Variants in SLC27A2 observed in about 807,000 individuals in gnomAD.
The protein encoded by SLC27A2 is solute carrier family 27 member 2.
In SLC27A2, 54 loss-of-function variants were observed where a neutral mutation model predicts 60.0. The observed-to-expected ratio is 0.90, with a 90% CI of 0.72 to 1.13. The LOEUF (loss-of-function observed/expected upper bound fraction) is 1.13, where lower values mean the gene tolerates loss of function less well. Ranked by LOEUF, SLC27A2 falls within the 50% of genes most tolerant of loss-of-function variation. The pLI, the probability that SLC27A2 is intolerant of heterozygous loss-of-function variation, is 0.00. For missense variants in SLC27A2, 739 were observed against 777.6 expected, an observed-to-expected ratio of 0.95 and a Z score of 0.59; for synonymous variants, 297 against 297.6, an observed-to-expected ratio of 1.00 and a Z score of 0.02.
chr15:50,230,598 G>A (rs972073629), intron 8 of SLC27A2, among the ~76,000 whole-genome samples: 15 of 152,100 alleles, frequency 9.9e-5, no homozygotes, highest in East Asian at 3.9e-4. Context: ...CCCAACTCAG[G>A]GACAATGACA....
intron 1 of SLC27A2, among the ~76,000 whole-genome samples, chr15:50,183,607 G>A (rs915203274): frequency 6.6e-6 from 1 of 152,184 alleles, no homozygotes; most frequent in African/African-American, 2.4e-5. Context: ...ATTTCAGCCA[G>A]ACTTGAAACA....
Position 50,232,939 on chromosome 15 carries a change from C to T in SLC27A2, c.1556-929C>T, listed in dbSNP as rs564743575. On this transcript the variant is annotated intron_variant, in intron 8 of 9. Coordinates refer to ENST00000267842, the MANE Select transcript of SLC27A2 (RefSeq NM_003645.4). The stretch of plus-strand genomic sequence containing the variant: ...TAACCAAGGGAGGCTCCTGTCTCCT[C>T]TCTGATTACAGCTGAGTAGTTTAGG... Among the ~76,000 whole-genome samples the T allele has an allele frequency of 3.3e-5, 5 of 152,342 alleles. No individual in the cohort carries two copies. The East Asian group carries it at 9.6e-4, about 29-fold the overall frequency.
At chr15:50,234,210 C>T (rs534387869) in intron 9 of SLC27A2, among the ~76,000 whole-genome samples, 2 of 152,192 alleles carry the variant, frequency 1.3e-5, no homozygotes, top group East Asian at 3.9e-4. Context: ...CTTTGGGAGG[C>T]CGAGGTGGGA....
At chr15:50,225,349 A>G (rs758940266) in intron 5 of SLC27A2, among the ~76,000 whole-genome samples, 15 of 152,216 alleles carry the variant, frequency 9.9e-5, no homozygotes, top group Admixed American at 2.6e-4. Context: ...TTTGAATTAT[A>G]TGTTAAATAT....
intron 1 of SLC27A2, among the ~76,000 whole-genome samples, chr15:50,192,459 G>C (rs1396630912): frequency 1.3e-5 from 2 of 152,172 alleles, no homozygotes; most frequent in African/African-American, 4.8e-5. Context: ...AAGTTGCTTG[G>C]ACTGTGATCA....
intron 4 of SLC27A2, 67 bp from the exon 5 acceptor site, chr15:50,222,887 AATAAAGGCAAT>A (rs1441506822): frequency 8.4e-7 from 1 of 1,184,002 alleles, no homozygotes; most frequent in Admixed American, 2.4e-5. Flanking sequence ...ATACATACAA[AATAAAGGCAAT>A]TATTAATATG....
chr15:50,226,904 C>A, intron 6 of SLC27A2, 76 bp from the exon 7 acceptor site: 1 of 1,224,216 alleles, frequency 8.2e-7, no homozygotes, highest in Non-Finnish European at 1.2e-6. Context: ...GGTTGTATGG[C>A]ATTAGTTTTA....
rs144025155 is a variant in SLC27A2 at position 50,213,298 on chromosome 15, T to G, written c.972+7935T>G. On this transcript the variant is annotated intron_variant, in intron 4 of 9. Transcript: ENST00000267842. The stretch of plus-strand genomic sequence containing the variant: ...GCACCTAACACTGGAGCTCCCAAAT[T>G]TATAAAGCAATTGCTACTAGACCTA... Among the ~76,000 whole-genome samples, 700 of 152,160 alleles carry G rather than the reference T, an allele frequency of 4.6e-3. 7 individuals carry two copies. The highest frequency in any genetic ancestry group is 0.041 in the Middle Eastern group (12 of 294).
chr15:50,232,112 A>G (rs2045320478), intron 8 of SLC27A2, among the ~76,000 whole-genome samples: 1 of 152,214 alleles, frequency 6.6e-6, no homozygotes. Flanking sequence ...ATTCCAGACT[A>G]GAAATGCAGC....
intron 4 of SLC27A2, among the ~76,000 whole-genome samples, chr15:50,207,972 G>C (rs2045126356): frequency 6.6e-6 from 1 of 151,298 alleles, no homozygotes; most frequent in Admixed American, 6.6e-5. Flanking sequence ...AAAAGAATTG[G>C]ATAAAAACTA....
chr15:50,232,541 T>C (rs1595694028), intron 8 of SLC27A2, among the ~76,000 whole-genome samples: 2 of 152,160 alleles, frequency 1.3e-5, no homozygotes, highest in Admixed American at 6.5e-5. Context: ...GCTGGAACCA[T>C]TCCCCCTGAA....
At chr15:50,223,258 C>T in intron 5 of SLC27A2, 99 bp downstream of exon 5, 2 of 828,086 alleles carry the variant, frequency 2.4e-6, no homozygotes, top group Non-Finnish European at 3.7e-6. Context: ...AGTCAGGCAG[C>T]ATCAGAGCCA....
intron 6 of SLC27A2, 185 bp downstream of exon 6, chr15:50,226,263 T>C: frequency 1.9e-6 from 1 of 521,664 alleles, no homozygotes; most frequent in Non-Finnish European, 3.5e-6. Context: ...TGTAACATAA[T>C]TCTAGTTTTA....
chr15:50,230,885 C>T lies in SLC27A2; in HGVS notation c.1555+1843C>T, dbSNP rs545169545. ...AAACAGAAGGATCTAGCCTAGTGTT[C>T]CTCAAAGTGGGTCCCCAGATCAGCA... On this transcript the variant is annotated intron_variant, in intron 8 of 9. Transcript: ENST00000267842. Among the ~76,000 whole-genome samples the T allele has an allele frequency of 2.0e-5, 3 of 152,206 alleles. No individual in the cohort carries two copies. In the South Asian group the frequency reaches 6.2e-4, roughly 32 times the overall value.
intron 4 of SLC27A2, among the ~76,000 whole-genome samples, chr15:50,221,723 A>G (rs920724982): frequency 4.6e-5 from 7 of 152,228 alleles, no homozygotes; most frequent in Non-Finnish European, 8.8e-5. Context: ...CTAATGACCT[A>G]GCACTGTTAC....
intron 4 of SLC27A2, among the ~76,000 whole-genome samples, chr15:50,208,795 G>A (rs188221347): frequency 5.1e-4 from 77 of 152,212 alleles, no homozygotes; most frequent in Admixed American, 1.2e-3. Flanking sequence ...CCGTCTTCCC[G>A]CATTGTATTT....
intron 1 of SLC27A2, among the ~76,000 whole-genome samples, chr15:50,186,851 C>T (rs2044928802): frequency 6.6e-6 from 1 of 152,132 alleles, no homozygotes; most frequent in South Asian, 2.1e-4. Flanking sequence ...ATATTTTTTT[C>T]TCACTTACGA....
chr15:50,216,267 A>G (rs1251817743), intron 4 of SLC27A2, among the ~76,000 whole-genome samples: 1 of 151,836 alleles, frequency 6.6e-6, no homozygotes, highest in Non-Finnish European at 1.5e-5. Context: ...ATACCACCTT[A>G]CTCCTTCAAG....
At position 50,197,127 on chromosome 15, in the gene SLC27A2, C is replaced by A. The variant is rs543675495; in HGVS notation, c.479-373C>A. Among the ~76,000 whole-genome samples the A allele has an allele frequency of 2.0e-5, 3 of 151,738 alleles. 1 individual carries two copies. The South Asian group carries it at 6.2e-4, about 32-fold the overall frequency. ...CCAACCATCTGCTATGCTTGTGAAA[C>A]CATCAAAACCCAACCTTCCCTCAAA... On this transcript the variant is annotated intron_variant, in intron 1 of 9. Transcript: ENST00000267842.
Sources: gnomAD v4.1 joint callset for allele counts (sites outside exome capture counted in the v4.1 genomes callset) on GRCh38, gnomAD v4.1.1 for gene constraint, MANE v1.5 for transcripts, NCBI Gene and HGNC (gene_info 2026-07-23, HGNC 2026-07-21) for gene names.